The following BBS9 variants were observed in gnomAD, a reference collection of about 807,000 sequenced individuals.
BBS9 encodes the protein protein PTHB1.
Under a neutral mutation model 117.7 loss-of-function variants are expected in BBS9, and 89 were observed. The ratio of observed to expected loss-of-function variants is 0.76; its 90% CI spans 0.64 to 0.90. BBS9 has a LOEUF of 0.90. Among genes scored for constraint, BBS9 ranks in the 40% least tolerant of loss-of-function variants. The pLI, the probability that BBS9 is intolerant of heterozygous loss-of-function variation, is 0.00. For missense variants in BBS9, 982 were observed against 1,042.2 expected (o/e 0.94, Z 0.80); for synonymous variants, 379 against 370.9 (o/e 1.02, Z -0.25).
chr7:33,290,390 A>G (rs866969537), intron 9 of BBS9, among the ~76,000 whole-genome samples: 5 of 152,250 alleles, frequency 3.3e-5, no homozygotes, highest in Middle Eastern at 3.4e-3. Context: ...TTAAAACACA[A>G]TCACATGGGG....
chr7:33,198,278 G>A (rs908714979), intron 5 of BBS9, among the ~76,000 whole-genome samples: 3 of 151,982 alleles, frequency 2.0e-5, no homozygotes, highest in East Asian at 3.8e-4. Flanking sequence ...CATAAAATGT[G>A]TGAGTGGAAA....
chr7:33,282,399 G>GTC, intron 9 of BBS9, among the ~76,000 whole-genome samples: 1 of 152,148 alleles, frequency 6.6e-6, no homozygotes, highest in East Asian at 1.9e-4. Context: ...TTAAGATGGA[G>GTC]TCTCACTCTG....
chr7:33,459,164 C>A lies in BBS9; in HGVS notation c.2116-46299C>A, dbSNP rs546500857. On this transcript the variant is annotated intron_variant, in intron 19 of 22. Transcript: ENST00000242067. ...AAACGAACTCCTTTCCATTGAGATC[C>A]CTCTTCCCTTTGCTTGTTCTTTAAC... is the stretch of plus-strand genomic sequence containing the variant. Among the ~76,000 whole-genome samples the A allele has an allele frequency of 2.0e-5, 3 of 152,146 alleles. No homozygotes were observed. In the South Asian group the frequency reaches 6.2e-4, roughly 32 times the overall value.
intron 12 of BBS9, among the ~76,000 whole-genome samples, chr7:33,348,834 T>C (rs1389305368): frequency 3.9e-5 from 6 of 152,226 alleles, no homozygotes; most frequent in Non-Finnish European, 7.4e-5. Flanking sequence ...CATCTTTGCA[T>C]GTACATATTG....
chr7:33,368,154 A>G (rs1239817147), intron 17 of BBS9, among the ~76,000 whole-genome samples: 3 of 152,158 alleles, frequency 2.0e-5, no homozygotes, highest in Admixed American at 6.5e-5. Context: ...TTTGTCTTGG[A>G]GCTAAGAAGA....
intron 6 of BBS9, among the ~76,000 whole-genome samples, chr7:33,259,329 A>C (rs1797586299): frequency 6.6e-6 from 1 of 152,160 alleles, no homozygotes; most frequent in African/African-American, 2.4e-5. Flanking sequence ...GGGATCTCAA[A>C]CTTCAGTGTA....
At chr7:33,195,845 A>G (rs1421924748) in intron 5 of BBS9, among the ~76,000 whole-genome samples, 1 of 152,152 alleles carries the variant, frequency 6.6e-6, no homozygotes, top group Non-Finnish European at 1.5e-5. Flanking sequence ...TACCAAGGAA[A>G]ATTTAATGTC....
intron 9 of BBS9, among the ~76,000 whole-genome samples, chr7:33,321,280 G>T (rs374827807): frequency 3.9e-5 from 6 of 152,078 alleles, no homozygotes; most frequent in African/African-American, 4.8e-5. Flanking sequence ...AAGAATGTCA[G>T]TAGTATTTTG....
chr7:33,284,470 A>AT (rs1460480513), intron 9 of BBS9, among the ~76,000 whole-genome samples: 1 of 151,856 alleles, frequency 6.6e-6, no homozygotes, highest in African/African-American at 2.4e-5. Flanking sequence ...AATGTTTTTC[A>AT]TTTTTTCTGT....
chr7:33,212,928 G>A (rs1227158258), intron 5 of BBS9, among the ~76,000 whole-genome samples: 1 of 152,140 alleles, frequency 6.6e-6, no homozygotes, highest in Non-Finnish European at 1.5e-5. Flanking sequence ...CAGTCTTGTG[G>A]CCACCAACAC....
chr7:33,172,348 T>G (rs976231826), intron 4 of BBS9, among the ~76,000 whole-genome samples: 1 of 150,134 alleles, frequency 6.7e-6, no homozygotes, highest in African/African-American at 2.5e-5. Flanking sequence ...GCCACTGCAC[T>G]CCAGCCTGGG....
intron 21 of BBS9, among the ~76,000 whole-genome samples, chr7:33,616,343 T>C (rs147088407): frequency 4.6e-5 from 7 of 150,934 alleles, no homozygotes; most frequent in African/African-American, 1.7e-4. Context: ...TTTGTTGTTA[T>C]AAGGTATTCG....
intron 9 of BBS9, among the ~76,000 whole-genome samples, chr7:33,294,795 C>A (rs12668888): frequency 0.18 from 27,096 of 152,088 alleles, 2,963 homozygotes; most frequent in East Asian, 0.44. Context: ...CAAATGGTTG[C>A]TTTTAGTGTT....
At chr7:33,324,082 C>A (rs1379553283) in intron 9 of BBS9, among the ~76,000 whole-genome samples, 1 of 152,080 alleles carries the variant, frequency 6.6e-6, no homozygotes, top group Admixed American at 6.5e-5. Context: ...AAGTAATCCA[C>A]CTGCCTTGGG....
At chr7:33,266,231 C>A (rs925400725) in intron 7 of BBS9, among the ~76,000 whole-genome samples, 1 of 152,148 alleles carries the variant, frequency 6.6e-6, no homozygotes, top group Non-Finnish European at 1.5e-5. Context: ...TAAGAAATAG[C>A]AGTAAAACTT....
At chr7:33,206,765 A>G (rs1459929351) in intron 5 of BBS9, among the ~76,000 whole-genome samples, 3 of 152,150 alleles carry the variant, frequency 2.0e-5, no homozygotes, top group Non-Finnish European at 4.4e-5. Context: ...TAATAATATA[A>G]TATAATAATG....
chr7:33,569,095 A>T (rs1375660086), intron 21 of BBS9, among the ~76,000 whole-genome samples: 2 of 152,150 alleles, frequency 1.3e-5, no homozygotes, highest in Admixed American at 6.5e-5. Flanking sequence ...AAAATATAAC[A>T]GATGAGCCTG....
At chr7:33,186,497 G>A (rs1010969001) in intron 5 of BBS9, among the ~76,000 whole-genome samples, 1 of 152,164 alleles carries the variant, frequency 6.6e-6, no homozygotes, top group Non-Finnish European at 1.5e-5. Flanking sequence ...TCAGAATGGA[G>A]TGTAGTTTGG....
intron 19 of BBS9, among the ~76,000 whole-genome samples, chr7:33,464,829 A>C (rs1228093740): frequency 6.6e-6 from 1 of 151,904 alleles, no homozygotes; most frequent in Admixed American, 6.6e-5. Context: ...TTCCTTTTAA[A>C]TTTAATTTAA....
Sources: allele counts gnomAD v4.1 joint callset (sites outside exome capture counted in the v4.1 genomes callset), GRCh38; gene constraint gnomAD v4.1.1; transcripts MANE v1.5; gene names NCBI Gene and HGNC (gene_info 2026-07-23, HGNC 2026-07-21).